Variants in MACROD2 observed in about 807,000 individuals in gnomAD.
MACROD2 encodes mono-ADP ribosylhydrolase 2.
MACROD2 carries 36 observed loss-of-function variants against 70.4 expected under a neutral mutation model. The ratio of observed to expected loss-of-function variants is 0.51; its 90% CI spans 0.39 to 0.68. The LOEUF (loss-of-function observed/expected upper bound fraction) is 0.68. MACROD2 is among the 30% of genes least tolerant of loss of function. The pLI, the probability that MACROD2 is intolerant of heterozygous loss-of-function variation, is 0.00. For missense variants in MACROD2, 496 were observed against 538.4 expected, an observed-to-expected ratio of 0.92 and a Z score of 0.78; for synonymous variants, 172 against 178.8, an observed-to-expected ratio of 0.96 and a Z score of 0.30.
chr20:15,317,535 A>C (rs942486933), intron 6 of MACROD2, among the ~76,000 whole-genome samples: 10 of 137,890 alleles, frequency 7.3e-5, no homozygotes, highest in Admixed American at 7.1e-4. Flanking sequence ...CTGTCTATCT[A>C]TCTCTATCAA....
intron 6 of MACROD2, among the ~76,000 whole-genome samples, chr20:15,335,378 A>G (rs1568729908): frequency 6.6e-6 from 1 of 151,496 alleles, no homozygotes; most frequent in Non-Finnish European, 1.5e-5. Context: ...TCCATCTATT[A>G]TATGTAATCA....
intron 5 of MACROD2, among the ~76,000 whole-genome samples, chr20:15,058,849 T>C (rs934226281): frequency 1.6e-4 from 25 of 152,012 alleles, no homozygotes; most frequent in African/African-American, 5.3e-4. Context: ...TGTGAGAGAG[T>C]GTTTTAAGTC....
chr20:14,114,492 C>T (rs1416479014), intron 3 of MACROD2, among the ~76,000 whole-genome samples: 1 of 152,058 alleles, frequency 6.6e-6, no homozygotes. Flanking sequence ...GTAGCCTCCC[C>T]CTTTTATGTC....
chr20:14,590,441 G>T (rs2024924), intron 4 of MACROD2, among the ~76,000 whole-genome samples: 96,628 of 151,446 alleles, frequency 0.64, 32,447 homozygotes, highest in East Asian at 0.93. Context: ...TTATGATGCT[G>T]TGGCATGGCT....
chr20:14,137,835 A>G (rs2054820026), intron 3 of MACROD2, among the ~76,000 whole-genome samples: 5 of 152,220 alleles, frequency 3.3e-5, no homozygotes, highest in Admixed American at 3.3e-4. Flanking sequence ...GCAAAGTGAA[A>G]AGGCAACCTA....
chr20:15,165,175 G>C (rs757820907), intron 5 of MACROD2, among the ~76,000 whole-genome samples: 1 of 152,208 alleles, frequency 6.6e-6, no homozygotes, highest in Non-Finnish European at 1.5e-5. Flanking sequence ...CTTGACACCG[G>C]CTGGGTACGG....
intron 5 of MACROD2, among the ~76,000 whole-genome samples, chr20:14,920,508 G>A (rs2074148698): frequency 6.6e-6 from 1 of 152,124 alleles, no homozygotes; most frequent in South Asian, 2.1e-4. Context: ...TCTCAGGTTT[G>A]AAGTGTGATT....
chr20:15,891,683 T>C (rs1410376127), intron 10 of MACROD2, among the ~76,000 whole-genome samples: 1 of 152,216 alleles, frequency 6.6e-6, no homozygotes, highest in Non-Finnish European at 1.5e-5. Context: ...AGAAAAATAT[T>C]GAGAATGACA....
chr20:15,987,042 G>T, intron 14 of MACROD2, 24 bp from the exon 15 acceptor site: 1 of 1,572,002 alleles, frequency 6.4e-7, no homozygotes. Context: ...AACCCTGAGT[G>T]TCCATCTGTC....
At chr20:14,178,933 A>G (rs936289939) in intron 3 of MACROD2, among the ~76,000 whole-genome samples, 5 of 152,152 alleles carry the variant, frequency 3.3e-5, no homozygotes, top group East Asian at 1.9e-4. Flanking sequence ...GCTACCAAGC[A>G]TTCCTAATGT....
chr20:14,912,114 G>A (rs528165601), intron 5 of MACROD2, among the ~76,000 whole-genome samples: 59 of 152,150 alleles, frequency 3.9e-4, no homozygotes, highest in African/African-American at 1.3e-3. Flanking sequence ...TCTCTACTGC[G>A]TACCCATCCT....
At chr20:15,870,164 A>T (rs151195920) in intron 9 of MACROD2, among the ~76,000 whole-genome samples, 2 of 151,864 alleles carry the variant, frequency 1.3e-5, no homozygotes, top group South Asian at 4.1e-4. Flanking sequence ...TATTTTCCCA[A>T]TCATGAATTT....
intron 2 of MACROD2, among the ~76,000 whole-genome samples, chr20:14,007,492 G>A (rs1157512145): frequency 1.3e-5 from 2 of 152,132 alleles, no homozygotes; most frequent in African/African-American, 4.8e-5. Context: ...GTTTGTGCAT[G>A]CGCGTGCATG....
intron 6 of MACROD2, among the ~76,000 whole-genome samples, chr20:15,335,508 AT>A (rs11475182): frequency 0.18 from 27,075 of 151,154 alleles, 3,126 homozygotes; most frequent in East Asian, 0.46. Context: ...GCTGGGGCAC[AT>A]TTTATTGTTT....
chr20:14,610,545 T>C (rs6033988), intron 4 of MACROD2, among the ~76,000 whole-genome samples: 24,113 of 152,000 alleles, frequency 0.16, 4,473 homozygotes, highest in African/African-American at 0.45. Flanking sequence ...AGTTATTCTT[T>C]GAATGGTGAA....
At chr20:15,614,935 C>T (rs1421176373) in intron 8 of MACROD2, among the ~76,000 whole-genome samples, 1 of 152,200 alleles carries the variant, frequency 6.6e-6, no homozygotes, top group African/African-American at 2.4e-5. Context: ...CTGTTTTTAG[C>T]ACATTCCCTG....
chr20:15,544,415 A>T (rs1430454871), intron 8 of MACROD2, among the ~76,000 whole-genome samples: 1 of 152,214 alleles, frequency 6.6e-6, no homozygotes, highest in African/African-American at 2.4e-5. Context: ...AGCTAGGATG[A>T]GGAGGGTTGA....
At chr20:14,645,043 T>C (rs1245364551) in intron 4 of MACROD2, among the ~76,000 whole-genome samples, 1 of 152,144 alleles carries the variant, frequency 6.6e-6, no homozygotes, top group Admixed American at 6.6e-5. Context: ...AATGATTATT[T>C]TAGAATTACT....
intron 8 of MACROD2, among the ~76,000 whole-genome samples, chr20:15,738,214 A>G (rs1306163875): frequency 6.6e-6 from 1 of 152,218 alleles, no homozygotes; most frequent in African/African-American, 2.4e-5. Context: ...TTGTAACACA[A>G]ATAATAAATG....
Sources: gnomAD v4.1 joint callset for allele counts (sites outside exome capture counted in the v4.1 genomes callset) on GRCh38, gnomAD v4.1.1 for gene constraint, MANE v1.5 for transcripts, NCBI Gene and HGNC (gene_info 2026-07-23, HGNC 2026-07-21) for gene names.